Variants in ASTN2 observed in about 807,000 individuals in gnomAD.
ASTN2 encodes the protein astrotactin-2.
Under a neutral mutation model 139.8 loss-of-function variants are expected in ASTN2, and 54 were observed. That is an observed-to-expected ratio of 0.39 (90% confidence interval 0.31 to 0.48). The LOEUF (loss-of-function observed/expected upper bound fraction) is 0.48, where lower values mean the gene tolerates loss of function less well. ASTN2 is among the 20% of genes least tolerant of loss of function. The pLI is 0.95. For missense variants in ASTN2, 1,565 were observed against 1,725.1 expected, an observed-to-expected ratio of 0.91 and a Z score of 1.64; for synonymous variants, 756 against 719.5, an observed-to-expected ratio of 1.05 and a Z score of -0.81.
At chr9:117,151,954 C>A (rs1009505040) in intron 3 of ASTN2, among the ~76,000 whole-genome samples, 1 of 152,152 alleles carries the variant, frequency 6.6e-6, no homozygotes, top group Non-Finnish European at 1.5e-5. Flanking sequence ...ACCCTGGGTG[C>A]AGCGAGAGCA....
intron 7 of ASTN2, among the ~76,000 whole-genome samples, chr9:116,998,569 C>CCATCCATA (rs1348382240): frequency 1.3e-5 from 2 of 148,298 alleles, no homozygotes; most frequent in African/African-American, 2.5e-5. Flanking sequence ...ATCCATCCAT[C>CCATCCATA]CATACATCCA....
intron 16 of ASTN2, among the ~76,000 whole-genome samples, chr9:116,715,750 C>T (rs59347153): frequency 0.039 from 6,009 of 152,256 alleles, 395 homozygotes; most frequent in African/African-American, 0.14. Context: ...TCTCACTTGC[C>T]TTAGCCTCCT....
At chr9:116,882,507 T>C (rs990949728) in intron 10 of ASTN2, among the ~76,000 whole-genome samples, 1 of 152,094 alleles carries the variant, frequency 6.6e-6, no homozygotes, top group South Asian at 2.1e-4. Context: ...TAGAGGGTCA[T>C]GGACTGAGAA....
chr9:116,470,231 T>A (rs1187457663), intron 20 of ASTN2, among the ~76,000 whole-genome samples: 1 of 151,812 alleles, frequency 6.6e-6, no homozygotes, highest in Non-Finnish European at 1.5e-5. Context: ...ATAAAAAAAA[T>A]AAAAAGATTT....
chr9:116,673,728 T>G (rs1224590173), intron 16 of ASTN2, among the ~76,000 whole-genome samples: 1 of 152,204 alleles, frequency 6.6e-6, no homozygotes, highest in Admixed American at 6.5e-5. Flanking sequence ...ATAATCTCTC[T>G]CTAGAAGTTT....
intron 1 of ASTN2, among the ~76,000 whole-genome samples, chr9:117,341,256 C>A (rs1306777499): frequency 1.3e-5 from 2 of 152,002 alleles, no homozygotes; most frequent in Non-Finnish European, 2.9e-5. Flanking sequence ...TGAATCAAAT[C>A]GTTTTTTTTC....
intron 11 of ASTN2, among the ~76,000 whole-genome samples, chr9:116,835,583 T>C (rs1831959869): frequency 6.6e-6 from 1 of 152,028 alleles, no homozygotes; most frequent in Non-Finnish European, 1.5e-5. Context: ...AACCAGAACA[T>C]CCCTATATCC....
intron 17 of ASTN2, among the ~76,000 whole-genome samples, chr9:116,631,553 A>G (rs1856744375): frequency 7.2e-6 from 1 of 139,592 alleles, no homozygotes; most frequent in African/African-American, 2.7e-5. Context: ...GGTAGTTACC[A>G]GAGCCTAGGA....
intron 1 of ASTN2, among the ~76,000 whole-genome samples, chr9:117,347,441 G>A (rs1036062573): frequency 2.0e-5 from 3 of 151,596 alleles, no homozygotes; most frequent in East Asian, 1.9e-4. Flanking sequence ...TGCTAGATAC[G>A]GCTAAGTCTC....
rs1019895271 is a variant in ASTN2, at chr9:116,423,970, A to G, written c.*1881T>C. On this transcript the variant is annotated 3_prime_UTR_variant, in exon 23 of 23. Transcript: ENST00000313400. Reference sequence around the variant, plus strand: ...GGCTTATGTTTTATTGATATTCAGTATCTTTTCCTCTTCTGAAACCCCACA... The same window carrying G: ...GGCTTATGTTTTATTGATATTCAGTGTCTTTTCCTCTTCTGAAACCCCACA... Among the ~76,000 whole-genome samples, 5 of 152,180 alleles carry G rather than the reference A, an allele frequency of 3.3e-5. No homozygotes were observed. The highest frequency in any genetic ancestry group is 9.7e-5 in the African/African-American group (4 of 41,442).
At chr9:117,394,720 G>A (rs908170076) in intron 1 of ASTN2, among the ~76,000 whole-genome samples, 20 of 152,086 alleles carry the variant, frequency 1.3e-4, no homozygotes, top group Non-Finnish European at 1.5e-4. Context: ...CTTATTTTCC[G>A]GACAGTAAAA....
At chr9:117,289,378 T>C (rs753969972) in intron 2 of ASTN2, among the ~76,000 whole-genome samples, 23 of 152,194 alleles carry the variant, frequency 1.5e-4, no homozygotes, top group Admixed American at 5.9e-4. Flanking sequence ...TGAGTTATTA[T>C]TTCGAAGCTG....
intron 7 of ASTN2, among the ~76,000 whole-genome samples, chr9:116,998,395 G>T (rs1449250205): frequency 6.6e-6 from 1 of 152,210 alleles, no homozygotes; most frequent in Admixed American, 6.5e-5. Context: ...TTCAGAAAAG[G>T]ATTAGGTATC....
intron 10 of ASTN2, among the ~76,000 whole-genome samples, chr9:116,939,074 A>T (rs1445119379): frequency 6.6e-6 from 1 of 152,216 alleles, no homozygotes; most frequent in African/African-American, 2.4e-5. Context: ...GGTGGTAATC[A>T]GCTCAGGCTT....
intron 3 of ASTN2, among the ~76,000 whole-genome samples, chr9:117,157,490 A>G (rs1830457128): frequency 6.6e-6 from 1 of 152,000 alleles, no homozygotes; most frequent in Admixed American, 6.6e-5. Flanking sequence ...TATATGACTC[A>G]GGCACTGAAA....
At chr9:117,333,818 A>G (rs1278347810) in intron 1 of ASTN2, among the ~76,000 whole-genome samples, 1 of 152,086 alleles carries the variant, frequency 6.6e-6, no homozygotes, top group Non-Finnish European at 1.5e-5. Flanking sequence ...GCCCATTTTA[A>G]ACATAAGATA....
At chr9:117,357,875 C>T (rs1249820728) in intron 1 of ASTN2, among the ~76,000 whole-genome samples, 3 of 152,082 alleles carry the variant, frequency 2.0e-5, no homozygotes, top group Non-Finnish European at 1.5e-5. Flanking sequence ...GAGGGATGAA[C>T]AGAGTACCTG....
At chr9:116,828,818 A>G (rs1831718491) in intron 11 of ASTN2, among the ~76,000 whole-genome samples, 1 of 152,184 alleles carries the variant, frequency 6.6e-6, no homozygotes, top group Admixed American at 6.5e-5. Context: ...TAAAGACTCT[A>G]TCAAGTTTCA....
intron 22 of ASTN2, among the ~76,000 whole-genome samples, chr9:116,431,315 C>A (rs1362065222): frequency 6.6e-6 from 1 of 152,116 alleles, no homozygotes; most frequent in Non-Finnish European, 1.5e-5. Flanking sequence ...CGGAGTTGAG[C>A]TTAAGTGTCT....
Sources: gnomAD v4.1 joint callset for allele counts (sites outside exome capture counted in the v4.1 genomes callset) on GRCh38, gnomAD v4.1.1 for gene constraint, MANE v1.5 for transcripts, NCBI Gene and HGNC (gene_info 2026-07-23, HGNC 2026-07-21) for gene names.